PPARGC1A: variants seen among roughly 807,000 people sequenced by gnomAD.
The protein encoded by PPARGC1A is PPARG coactivator 1 alpha.
Under a neutral mutation model 88.7 loss-of-function variants are expected in PPARGC1A, and 25 were observed. That is an observed-to-expected ratio of 0.28 (90% CI 0.21 to 0.39). The LOEUF is 0.39. Ranked by LOEUF, PPARGC1A falls within the 10% of genes least tolerant of loss-of-function variation. The pLI, the probability that PPARGC1A is intolerant of heterozygous loss-of-function variation, is 1.00. For synonymous variants in PPARGC1A, 363 were observed against 355.6 expected, an observed-to-expected ratio of 1.02 and a Z score of -0.24; for missense variants, 880 against 968.7, an observed-to-expected ratio of 0.91 and a Z score of 1.22.
At chr4:24,443,265 T>C in the PPARGC1A span, among the ~76,000 whole-genome samples, 1 of 151,996 alleles carries the variant, frequency 6.6e-6, no homozygotes, top group Admixed American at 6.5e-5. Flanking sequence ...TTTTTTTTTT[T>C]TTTTTAAATA....
At chr4:24,232,130 A>T in the PPARGC1A span, among the ~76,000 whole-genome samples, 1 of 152,014 alleles carries the variant, frequency 6.6e-6, no homozygotes, top group Admixed American at 6.6e-5. Context: ...TCGGCATGTG[A>T]CGTGACTGGA....
chr4:24,367,347 T>C, the PPARGC1A span, among the ~76,000 whole-genome samples: 1 of 152,136 alleles, frequency 6.6e-6, no homozygotes, highest in African/African-American at 2.4e-5. Flanking sequence ...AGAATCAAGG[T>C]TGAAAGAGCA....
the PPARGC1A span, among the ~76,000 whole-genome samples, chr4:24,035,856 A>G: frequency 5.7e-3 from 872 of 152,374 alleles, 10 homozygotes; most frequent in African/African-American, 0.02. Flanking sequence ...GGAAAGAACT[A>G]TAACAAAAGT....
the PPARGC1A span, among the ~76,000 whole-genome samples, chr4:24,136,087 C>G: frequency 6.6e-6 from 1 of 152,200 alleles, no homozygotes; most frequent in African/African-American, 2.4e-5. Flanking sequence ...CTGGAATCTT[C>G]CAGGCTTATG....
the PPARGC1A span, among the ~76,000 whole-genome samples, chr4:24,008,092 T>A: frequency 1.3e-5 from 2 of 152,094 alleles, no homozygotes; most frequent in Non-Finnish European, 2.9e-5. Context: ...GAAGGGAGAC[T>A]GGGAATGCAC....
At chr4:24,309,501 G>A in the PPARGC1A span, among the ~76,000 whole-genome samples, 2 of 152,170 alleles carry the variant, frequency 1.3e-5, no homozygotes, top group African/African-American at 4.8e-5. Flanking sequence ...ACCATGGCAT[G>A]AAACTTAGAT....
chr4:24,027,229 G>GTC, the PPARGC1A span, among the ~76,000 whole-genome samples: 574 of 143,344 alleles, frequency 4.0e-3, 1 homozygote, highest in East Asian at 8.6e-3. Context: ...CTGTGTGTCT[G>GTC]TGTGTGTCTG....
chr4:24,337,501 C>T, the PPARGC1A span, among the ~76,000 whole-genome samples: 3,099 of 152,220 alleles, frequency 0.02, 103 homozygotes, highest in African/African-American at 0.071. Flanking sequence ...GCGACCAGAG[C>T]TCATGGAGGC....
chr4:23,845,008 A>T (rs1243727418), intron 2 of PPARGC1A, among the ~76,000 whole-genome samples: 2 of 150,808 alleles, frequency 1.3e-5, no homozygotes, highest in Non-Finnish European at 2.9e-5. Flanking sequence ...CCTGAGGGGG[A>T]ACTTGCAATG....
At chr4:24,069,155 A>G in the PPARGC1A span, among the ~76,000 whole-genome samples, 1 of 152,220 alleles carries the variant, frequency 6.6e-6, no homozygotes, top group African/African-American at 2.4e-5. Context: ...ACCAAGGCAA[A>G]GAAAGCTTCA....
the PPARGC1A span, among the ~76,000 whole-genome samples, chr4:24,279,505 G>A: frequency 2.6e-5 from 4 of 152,170 alleles, no homozygotes; most frequent in African/African-American, 7.2e-5. Flanking sequence ...CTTGAATTCT[G>A]TAGAGAGGCA....
At chr4:23,838,111 T>C (rs1726374447) in intron 2 of PPARGC1A, among the ~76,000 whole-genome samples, 1 of 152,232 alleles carries the variant, frequency 6.6e-6, no homozygotes, top group Non-Finnish European at 1.5e-5. Flanking sequence ...CAGACACCAC[T>C]TCACTGCATG....
At chr4:23,957,752 A>G in the PPARGC1A span, among the ~76,000 whole-genome samples, 3 of 152,232 alleles carry the variant, frequency 2.0e-5, no homozygotes, top group East Asian at 5.8e-4. Context: ...CCACTAAAGG[A>G]GTACTTTTTA....
chr4:23,899,380 G>A (rs1719023125), upstream of PPARGC1A: 1 of 152,184 alleles, frequency 6.6e-6, no homozygotes, highest in Admixed American at 6.5e-5. Context: ...CTCCTGCATT[G>A]TGTTATGCTT....
the PPARGC1A span, among the ~76,000 whole-genome samples, chr4:24,139,398 CT>C: frequency 0.86 from 130,657 of 152,114 alleles, 56,606 homozygotes; most frequent in African/African-American, 0.96. Flanking sequence ...CTAGAAACTT[CT>C]TAATGACACA....
chr4:24,056,188 G>C, the PPARGC1A span, among the ~76,000 whole-genome samples: 1 of 152,174 alleles, frequency 6.6e-6, no homozygotes, highest in African/African-American at 2.4e-5. Context: ...AATGAAATGC[G>C]TAAGTTTATG....
chr4:23,970,118 T>G, the PPARGC1A span, among the ~76,000 whole-genome samples: 5 of 152,318 alleles, frequency 3.3e-5, no homozygotes, highest in African/African-American at 1.2e-4. Context: ...TTACTAACAT[T>G]TAGACAGATT....
At chr4:23,835,687 G>A (rs934706949) in intron 2 of PPARGC1A, among the ~76,000 whole-genome samples, 3 of 152,116 alleles carry the variant, frequency 2.0e-5, no homozygotes, top group African/African-American at 7.2e-5. Context: ...AGTGAATTAA[G>A]GAAGGAAAAA....
At chr4:24,245,365 C>T in the PPARGC1A span, among the ~76,000 whole-genome samples, 2 of 152,146 alleles carry the variant, frequency 1.3e-5, no homozygotes, top group African/African-American at 2.4e-5. Context: ...GCCCACAGCG[C>T]AATATGACAC....
Sources: allele counts gnomAD v4.1 joint callset (sites outside exome capture counted in the v4.1 genomes callset), GRCh38; gene constraint gnomAD v4.1.1; transcripts MANE v1.5; gene names NCBI Gene and HGNC (gene_info 2026-07-23, HGNC 2026-07-21).